The following LRRC9 variants were observed in gnomAD, a reference collection of about 807,000 sequenced individuals.
LRRC9 encodes the protein leucine-rich repeat-containing protein 9.
A neutral mutation model predicts 63.2 loss-of-function variants in LRRC9; 122 were observed. The ratio of observed to expected loss-of-function variants is 1.93; its 90% CI spans 1.67 to 2.24. LRRC9 has a LOEUF of 2.24. Ranked by LOEUF, LRRC9 falls within the 30% of genes most tolerant of loss-of-function variation. The pLI, the probability that LRRC9 is intolerant of heterozygous loss-of-function variation, is 0.00. For synonymous variants in LRRC9, 366 were observed against 213.1 expected (o/e 1.72, Z -6.25); for missense variants, 1,071 against 627.7 (o/e 1.71, Z -7.55).
intron 7 of LRRC9, among the ~76,000 whole-genome samples, chr14:59,941,599 G>C (rs1881772573): frequency 6.6e-6 from 1 of 151,660 alleles, no homozygotes; most frequent in African/African-American, 2.4e-5. Flanking sequence ...AATTTAATTT[G>C]GCATCTTGTA....
At chr14:60,064,122 T>C (rs1041898824), downstream of LRRC9, among the ~76,000 whole-genome samples, 3 of 152,226 alleles carry the variant, frequency 2.0e-5, no homozygotes, top group Admixed American at 1.3e-4. Flanking sequence ...AGAGAACATG[T>C]ATTCAAACTG....
At position 60,027,787 on chromosome 14, in the gene LRRC9, CA is replaced by C; in HGVS notation, c.3704-94del. 1.9e-6 allele frequency: 1 copy of C among 514,616 alleles called. No individual in the cohort carries two copies. The highest frequency in any genetic ancestry group is 3.7e-5 in the Admixed American group (1 of 27,292). 31.9% of individuals were successfully genotyped at this position (514,616 alleles called of 1,614,324 possible). A position where few individuals can be genotyped will look rare whatever the true frequency, so the allele number is the denominator to read the frequency against. ...TTCTTGAATCCTTTACTTCTTTTGA[CA>C]AATCATCTGATTAAAAAATATTTAA... On this transcript the variant is annotated intron_variant, in intron 27 of 31. Transcript: ENST00000445360. This position sits in a 1 kb window ranked among gnomAD's most constrained non-coding sequence, Gnocchi z 4.0.
At chr14:60,061,896 A>T in intron 31 of LRRC9, 115 bp from the exon 32 acceptor site, 1 of 395,530 alleles carries the variant, frequency 2.5e-6, no homozygotes, top group East Asian at 3.6e-5. Context: ...TGAAACATGT[A>T]TTGCATACAT....
At chr14:59,956,151 G>T (rs559799736) in intron 8 of LRRC9, among the ~76,000 whole-genome samples, 20 of 152,040 alleles carry the variant, frequency 1.3e-4, no homozygotes, top group Non-Finnish European at 2.1e-4. Context: ...TGCCTATTAT[G>T]TCTGCTTGGT....
Position 59,958,560 on chromosome 14 carries a change from C to T in LRRC9, c.883-1258C>T, listed in dbSNP as rs992364014. On this transcript the variant is annotated intron_variant, in intron 8 of 31. Transcript: ENST00000445360. The surrounding 1 kb of genome is among the most constrained non-coding windows in gnomAD (Gnocchi z 4.0). ...AGCTAGTGGTTCTTAGCTTGCTGGG[C>T]TCTGTGGGAGTGGGACCCGCTGAGC... is the stretch of plus-strand genomic sequence containing the variant. Among the ~76,000 whole-genome samples the T allele has an allele frequency of 3.3e-5, 5 of 152,234 alleles. No individual in the cohort carries two copies. The highest frequency in any genetic ancestry group is 1.2e-4 in the African/African-American group (5 of 41,462).
intron 29 of LRRC9, among the ~76,000 whole-genome samples, chr14:60,045,784 A>G (rs1893371353): frequency 1.3e-5 from 2 of 152,272 alleles, no homozygotes; most frequent in South Asian, 4.2e-4. Context: ...CTTGGGGTAT[A>G]CATCCAGTAA....
At chr14:59,987,236 G>C (rs1887566700) in intron 17 of LRRC9, among the ~76,000 whole-genome samples, 1 of 151,522 alleles carries the variant, frequency 6.6e-6, no homozygotes, top group Admixed American at 6.6e-5. Context: ...TTTCCTGATA[G>C]TTCTGTCAAC....
chr14:59,985,820 T>C (rs1055666759), intron 17 of LRRC9, among the ~76,000 whole-genome samples: 1 of 152,204 alleles, frequency 6.6e-6, no homozygotes. Flanking sequence ...GGTTGAACTT[T>C]TGTTAGCAGA....
chr14:59,980,802 CAGAT>C (rs933331262), intron 15 of LRRC9, among the ~76,000 whole-genome samples: 26 of 152,244 alleles, frequency 1.7e-4, no homozygotes, highest in Admixed American at 2.6e-4. Context: ...AAACAGTAAA[CAGAT>C]AGAAGTTCAT....
rs745706920 is a variant in LRRC9 at position 59,962,179 on chromosome 14, G to A, written c.1211+1134G>A. On this transcript the variant is annotated intron_variant, in intron 10 of 31. Coordinates refer to ENST00000445360, the Ensembl canonical transcript of LRRC9. The surrounding 1 kb of genome is among the most constrained non-coding windows in gnomAD (Gnocchi z 5.1). ...GATGGAAAAGTGTAAGAAGCTCTTC[G>A]CAAGGGAAAAAGAGGCCTTTGAAAA... Among the ~76,000 whole-genome samples the A allele has an allele frequency of 2.2e-4, 34 of 152,076 alleles. No homozygotes were observed. Among genetic ancestry groups the A allele is most frequent in the Non-Finnish European group, 3.7e-4 (25 of 68,018 alleles).
intron 12 of LRRC9, among the ~76,000 whole-genome samples, chr14:59,971,337 G>C (rs914614231): frequency 2.9e-4 from 44 of 152,200 alleles, no homozygotes; most frequent in African/African-American, 1.0e-3. Context: ...CTGTAGACCT[G>C]TAGTGTAGTT....
intron 13 of LRRC9, among the ~76,000 whole-genome samples, chr14:59,976,890 T>A (rs1886342426): frequency 6.6e-6 from 1 of 152,198 alleles, no homozygotes; most frequent in South Asian, 2.1e-4. Context: ...CTACTGAACT[T>A]TTACCCAGTT....
chr14:59,994,874 AG>A (rs1228464100), intron 17 of LRRC9, among the ~76,000 whole-genome samples: 1 of 131,638 alleles, frequency 7.6e-6, no homozygotes, highest in Non-Finnish European at 1.6e-5. Flanking sequence ...GGTGGGGGGA[AG>A]GGGGAGGGAT....
At chr14:60,039,034 G>C (rs1193107004) in intron 29 of LRRC9, among the ~76,000 whole-genome samples, 1 of 152,152 alleles carries the variant, frequency 6.6e-6, no homozygotes, top group Non-Finnish European at 1.5e-5. Flanking sequence ...TGTAGTTTTT[G>C]TCCTTGGTTC....
Position 59,952,119 on chromosome 14 carries a change from T to C in LRRC9, c.882+7375T>C, listed in dbSNP as rs868501798. The stretch of plus-strand genomic sequence containing the variant: ...CCAGCCTCGCTGCCGCCTTGCAGTT[T>C]GATCTCAGACTGCTGTGCTAGCAAT... On this transcript the variant is annotated intron_variant, in intron 8 of 31. Transcript: ENST00000445360. Among the ~76,000 whole-genome samples the C allele has an allele frequency of 6.1e-3, 930 of 152,076 alleles. 5 individuals are homozygous for C. Among genetic ancestry groups the C allele is most frequent in the Middle Eastern group, 0.02 (6 of 294 alleles).
chr14:59,934,295 C>CA lies in LRRC9; in HGVS notation c.543+2262dup, dbSNP rs767282535. Among the ~76,000 whole-genome samples the CA allele has an allele frequency of 2.5e-3, 381 of 151,932 alleles. 1 individual carries two copies. The highest frequency in any genetic ancestry group is 4.5e-3 in the Non-Finnish European group (308 of 67,906). ...CCGTGATTACAGTTCTTAGCAAGCT[C>CA]AAAAAATACACAAATCAGAAAAAAA... On this transcript the variant is annotated intron_variant, in intron 6 of 31. Coordinates refer to ENST00000445360, the Ensembl canonical transcript of LRRC9.
At chr14:60,049,723 T>G (rs998877732) in intron 29 of LRRC9, among the ~76,000 whole-genome samples, 3 of 152,146 alleles carry the variant, frequency 2.0e-5, no homozygotes, top group Non-Finnish European at 4.4e-5. Flanking sequence ...CTGACGATTA[T>G]GTATGTGTCT....
At chr14:59,931,317 G>A (rs770337549) in intron 4 of LRRC9, among the ~76,000 whole-genome samples, 1 of 152,036 alleles carries the variant, frequency 6.6e-6, no homozygotes, top group Non-Finnish European at 1.5e-5. Context: ...ATAAAAAGAG[G>A]TTTAGATAAG....
At position 59,938,919 on chromosome 14, in the gene LRRC9, G is replaced by T. The variant is rs1441834679; in HGVS notation, c.726+347G>T. 1.7e-5 allele frequency among the ~76,000 whole-genome samples: 2 copies of T among 120,664 alleles called. No individual in the cohort carries two copies. The highest frequency in any genetic ancestry group is 3.3e-5 in the African/African-American group (1 of 30,198). The allele number at this position is 120,664 out of a possible 152,430, so 79.2% of individuals were successfully genotyped here. On this transcript the variant is annotated intron_variant, in intron 7 of 31. Coordinates refer to ENST00000445360, the Ensembl canonical transcript of LRRC9. This position sits in a 1 kb window ranked among gnomAD's most constrained non-coding sequence, Gnocchi z 4.2. ...CATATATATACATATATACACATAT[G>T]CATATATATACACATATATACATAT...
Sources: gnomAD v4.1 joint callset for allele counts (sites outside exome capture counted in the v4.1 genomes callset) on GRCh38, gnomAD v4.1.1 for gene constraint, Gnocchi (gnomAD v3.1) non-coding constraint, MANE v1.5 for transcripts, NCBI Gene and HGNC (gene_info 2026-07-23, HGNC 2026-07-21) for gene names.